MCMDC2: variants seen among roughly 807,000 people sequenced by gnomAD.
The protein encoded by MCMDC2 is minichromosome maintenance domain-containing protein 2.
MCMDC2 carries 54 observed loss-of-function variants against 75.8 expected under a neutral mutation model. The observed-to-expected ratio is 0.71, with a 90% CI of 0.57 to 0.89. The LOEUF (loss-of-function observed/expected upper bound fraction) is 0.89, where lower values mean the gene tolerates loss of function less well. Among genes scored for constraint, MCMDC2 ranks in the 40% least tolerant of loss-of-function variants. The pLI is 0.00. For missense variants in MCMDC2, 656 were observed against 780.4 expected, an observed-to-expected ratio of 0.84 and a Z score of 1.90; for synonymous variants, 249 against 274.6, an observed-to-expected ratio of 0.91 and a Z score of 0.92.
At chr8:66,894,787 TAC>T (rs1452415667) in intron 10 of MCMDC2, among the ~76,000 whole-genome samples, 3 of 152,226 alleles carry the variant, frequency 2.0e-5, no homozygotes, top group Non-Finnish European at 4.4e-5. Context: ...ACTGAAAGTG[TAC>T]AGTTAAGTGC....
intron 12 of MCMDC2, among the ~76,000 whole-genome samples, chr8:66,899,188 G>A (rs1812504922): frequency 6.6e-6 from 1 of 152,174 alleles, no homozygotes; most frequent in Admixed American, 6.5e-5. Context: ...GGGCTTTTCT[G>A]TCAATACCTA....
intron 1 of MCMDC2, among the ~76,000 whole-genome samples, chr8:66,872,215 G>A (rs760086616): frequency 2.8e-4 from 42 of 152,214 alleles, no homozygotes; most frequent in Middle Eastern, 3.2e-3. Context: ...TGAACTCCAC[G>A]TAGTGGGTGT....
At chr8:66,875,786 G>A (rs974869478) in intron 4 of MCMDC2, among the ~76,000 whole-genome samples, 4 of 152,104 alleles carry the variant, frequency 2.6e-5, no homozygotes, top group African/African-American at 9.7e-5. Context: ...TTTCAATCTA[G>A]AGCCATTTCC....
At chr8:66,900,387 G>A (rs1044340774) in intron 12 of MCMDC2, among the ~76,000 whole-genome samples, 14 of 151,992 alleles carry the variant, frequency 9.2e-5, no homozygotes, top group Non-Finnish European at 1.8e-4. Context: ...GCAGTGAGCC[G>A]AGTTTGCGCT....
At chr8:66,871,252 C>T (rs1811003194) in intron 1 of MCMDC2, among the ~76,000 whole-genome samples, 1 of 152,118 alleles carries the variant, frequency 6.6e-6, no homozygotes, top group South Asian at 2.1e-4. Flanking sequence ...ATTTATGGCC[C>T]CCTCCTGCTT....
At chr8:66,922,778 G>C (rs1419111629), downstream of MCMDC2, 2 of 277,446 alleles carry the variant, frequency 7.2e-6, no homozygotes, top group African/African-American at 4.5e-5. Flanking sequence ...CATTTTGTTG[G>C]GCATCTTATA....
downstream of MCMDC2, among the ~76,000 whole-genome samples, chr8:66,923,060 T>C (rs930188091): frequency 5.3e-5 from 8 of 152,208 alleles, no homozygotes; most frequent in African/African-American, 1.7e-4. Flanking sequence ...TTTCATGATA[T>C]CCTTCACTGT....
Position 66,877,358 on chromosome 8 carries a change from G to T in MCMDC2, c.295G>T (p.Val99Leu). 1 of 1,603,992 alleles carries T rather than the reference G, an allele frequency of 6.2e-7. No individual in the cohort carries two copies. Among genetic ancestry groups the T allele is most frequent in the African/African-American group, 1.3e-5 (1 of 74,584 alleles). The change falls in exon 5 of 15, where the codon GTG becomes TTG. Residue 99 changes from valine (V) to leucine (L), a missense_variant. Val to Leu is a conservative substitution (Grantham distance 32, BLOSUM62 1). Transcript: ENST00000422365. ...TTTATGTTCTTATTAGATTAATATA[G>T]TGCTGAAATTAACACATTTACCTCC... ...QLQTETQINI[V>L]LKLTHLPPLP...
chr8:66,901,219 C>G lies in MCMDC2; in HGVS notation c.1640C>G (p.Ala547Gly), dbSNP rs1421915420. ...CACACTTTTTAGCTATTGGCTTTTG[C>G]AAAGAATTTGAATGTAGAATTCAGC... ...TEDFEKLLAF[A>G]KNLNVEFSLE... The change falls in exon 13 of 15, where the codon GCA (alanine) becomes GGA (glycine). Residue 547 changes from alanine to glycine, a missense_variant. Transcript: ENST00000422365. The G allele has an allele frequency of 6.2e-7, 1 of 1,612,696 alleles. No homozygotes were observed. Among genetic ancestry groups the G allele is most frequent in the African/African-American group, 1.3e-5 (1 of 74,862 alleles).
chr8:66,900,695 T>C (rs1812618594), intron 12 of MCMDC2, among the ~76,000 whole-genome samples: 1 of 152,120 alleles, frequency 6.6e-6, no homozygotes, highest in Non-Finnish European at 1.5e-5. Context: ...GTGATAATCA[T>C]GTGTTGCAGA....
chr8:66,893,399 T>G (rs1054610485), intron 10 of MCMDC2, among the ~76,000 whole-genome samples: 3 of 152,198 alleles, frequency 2.0e-5, no homozygotes, highest in Non-Finnish European at 4.4e-5. Flanking sequence ...TTCATGTTGC[T>G]GATAAAGACA....
At chr8:66,872,637 C>T (rs1157108868) in intron 1 of MCMDC2, among the ~76,000 whole-genome samples, 1 of 152,016 alleles carries the variant, frequency 6.6e-6, no homozygotes, top group Non-Finnish European at 1.5e-5. Flanking sequence ...AATCTAGTAT[C>T]CAACCTATAG....
At chr8:66,906,398 T>C (rs889526294) in intron 14 of MCMDC2, among the ~76,000 whole-genome samples, 4 of 152,208 alleles carry the variant, frequency 2.6e-5, no homozygotes, top group African/African-American at 9.6e-5. Context: ...TAGAACTTTG[T>C]TCTATTATTG....
At chr8:66,881,015 A>G in intron 8 of MCMDC2, 41 bp downstream of exon 8, 1 of 1,343,168 alleles carries the variant, frequency 7.4e-7, no homozygotes, top group South Asian at 2.0e-5. Flanking sequence ...AAATATTTAA[A>G]TTTAAATCTA....
rs778410742 is a variant in MCMDC2, at chr8:66,919,373, A to T, written c.*204A>T. ...AATCCAAACCTCTAAAACCAACAGA[A>T]TTTTAAAACTTAGAACAATGTGGAC... On this transcript the variant is annotated 3_prime_UTR_variant, in exon 15 of 15. Coordinates refer to ENST00000422365, the MANE Select transcript of MCMDC2 (RefSeq NM_173518.5). 14 of 362,940 alleles carry T rather than the reference A, an allele frequency of 3.9e-5. No homozygotes were observed. In the East Asian group the frequency reaches 4.9e-4, roughly 13 times the overall value. 22.5% of individuals were successfully genotyped at this position (362,940 alleles called of 1,614,324 possible). A position where few individuals can be genotyped will look rare whatever the true frequency, so the allele number is the denominator to read the frequency against.
chr8:66,922,586 ATAAC>A (rs763300996), downstream of MCMDC2: 6 of 513,694 alleles, frequency 1.2e-5, no homozygotes, highest in Middle Eastern at 3.7e-4. Flanking sequence ...AATACATCAC[ATAAC>A]TAACATTAAT....
downstream of MCMDC2, among the ~76,000 whole-genome samples, chr8:66,923,791 G>A (rs1585927686): frequency 6.6e-6 from 1 of 152,202 alleles, no homozygotes; most frequent in East Asian, 1.9e-4. Context: ...GGGAGGCTGA[G>A]GAAGGAGAAT....
chr8:66,884,091 T>C, intron 9 of MCMDC2, 97 bp downstream of exon 9: 1 of 783,354 alleles, frequency 1.3e-6, no homozygotes, highest in Non-Finnish European at 2.1e-6. Flanking sequence ...ATTTAGAATT[T>C]TTCTGAGCCA....
intron 8 of MCMDC2, among the ~76,000 whole-genome samples, chr8:66,882,459 G>A (rs906306766): frequency 4.0e-5 from 6 of 151,886 alleles, no homozygotes; most frequent in Admixed American, 6.6e-5. Context: ...TCCACCTCCC[G>A]AGTTCAAGGG....
Sources: allele counts gnomAD v4.1 joint callset (sites outside exome capture counted in the v4.1 genomes callset), GRCh38; gene constraint gnomAD v4.1.1; transcripts MANE v1.5; gene names NCBI Gene and HGNC (gene_info 2026-07-23, HGNC 2026-07-21).